Variants in FNBP4 observed in about 807,000 individuals in gnomAD.
FNBP4 encodes formin-binding protein 4.
FNBP4 carries 34 observed loss-of-function variants against 119.3 expected under a neutral mutation model. The ratio of observed to expected loss-of-function variants is 0.28; its 90% CI spans 0.22 to 0.38. The LOEUF is 0.38. Among genes scored for constraint, FNBP4 ranks in the 10% least tolerant of loss-of-function variants. FNBP4 has a pLI of 1.00. For synonymous variants in FNBP4, 462 were observed against 430.6 expected (o/e 1.07, Z -0.90); for missense variants, 1,112 against 1,228.9 (o/e 0.90, Z 1.42).
intron 12 of FNBP4, chr11:47,726,639 G>T (rs1438732304): frequency 6.6e-6 from 1 of 151,950 alleles, no homozygotes; most frequent in African/African-American, 2.4e-5. Flanking sequence ...CTGGCTAAAT[G>T]ACCTCAAATG....
chr11:47,752,656 A>G (rs1457232277), intron 4 of FNBP4: 2 of 312,964 alleles, frequency 6.4e-6, no homozygotes, highest in East Asian at 1.2e-4. Context: ...CTAAAATACA[A>G]AAGAGAAATT....
At chr11:47,729,579 GGCTTACT>G in intron 12 of FNBP4, 1 of 950,060 alleles carries the variant, frequency 1.1e-6, no homozygotes, top group Non-Finnish European at 1.3e-6. Flanking sequence ...GTACAATTAT[GGCTTACT>G]GCAGCCTCAA....
chr11:47,758,736 G>A (rs2097625784), intron 2 of FNBP4, among the ~76,000 whole-genome samples: 1 of 151,524 alleles, frequency 6.6e-6, no homozygotes, highest in Admixed American at 6.6e-5. Context: ...GTGCGCGCCT[G>A]TAATCCCAGC....
intron 2 of FNBP4, among the ~76,000 whole-genome samples, chr11:47,757,742 C>A (rs548673820): frequency 6.6e-6 from 1 of 152,286 alleles, no homozygotes; most frequent in African/African-American, 2.4e-5. Context: ...GATCTGCCCA[C>A]CTCGGCCTCC....
rs1315187162 is a variant in FNBP4 at position 47,751,166 on chromosome 11, C to T, written c.762G>A (p.Gln254=). 20 of 1,613,982 alleles carry T rather than the reference C, an allele frequency of 1.2e-5. No individual in the cohort carries two copies. Among genetic ancestry groups the T allele is most frequent in the Non-Finnish European group, 1.7e-5 (20 of 1,180,046 alleles). ...ELPQYLATQV[Q]GLQHYQPSSV... ...ACCTGGGCTGGTAATGCTGTAATCCCTGTACCTGTGTGGCAAGATATTGGG... is the reference window on the plus strand; with the variant it reads ...ACCTGGGCTGGTAATGCTGTAATCCTTGTACCTGTGTGGCAAGATATTGGG... Residue 254 remains glutamine, a synonymous_variant, in exon 5 of 17, where the codon CAG becomes CAA. Transcript: ENST00000263773.
At position 47,731,459 on chromosome 11, in the gene FNBP4, A is replaced by G. The variant is rs955907833; in HGVS notation, c.1923T>C (p.Asn641=). ...TCTGTTTGGCAAGAGTCTCATCTCT[A>G]TTTTCTTGTGCTTGGCTTTCTTCTT... ...EEEEESQAQE[N]RDETLAKQTL... The change falls in exon 12 of 17, where the codon AAT becomes AAC. Residue 641 remains asparagine, a synonymous_variant. Coordinates refer to ENST00000263773, the MANE Select transcript of FNBP4 (RefSeq NM_015308.5). The G allele has an allele frequency of 6.2e-7, 1 of 1,613,742 alleles. No individual in the cohort carries two copies.
In FNBP4 at chr11:47,752,989, A is replaced by T. The variant is rs779171726; in HGVS notation, c.564T>A (p.Ser188=). 1 of 1,614,134 alleles carries T rather than the reference A, an allele frequency of 6.2e-7. No individual in the cohort carries two copies. The highest frequency in any genetic ancestry group is 1.1e-5 in the South Asian group (1 of 91,076). ...PKEAATSTLS[S]STSNGTDSTQ... ...TGGAGTCTGTTCCATTTGAAGTAGA[A>T]GAAGAAAGGGTAGATGTTGCTGCTT... Residue 188 remains serine, a synonymous_variant, in exon 4 of 17, where the codon TCT becomes TCA. Coordinates refer to ENST00000263773, the MANE Select transcript of FNBP4 (RefSeq NM_015308.5).
At chr11:47,740,471 T>C (rs1304709900) in intron 8 of FNBP4, among the ~76,000 whole-genome samples, 1 of 151,520 alleles carries the variant, frequency 6.6e-6, no homozygotes. Flanking sequence ...ATGTTAATAT[T>C]GAGTCTTCCC....
In FNBP4 at chr11:47,743,915, T is replaced by A. The variant is rs199904410; in HGVS notation, c.1456+38A>T. ...GACAAGAGTTTCCTTCCCCTCTATA[T>A]CTTTCAACTCTGAAGTTTAATGTGA... On this transcript the variant is annotated intron_variant, in intron 8 of 16. Coordinates refer to ENST00000263773, the MANE Select transcript of FNBP4 (RefSeq NM_015308.5). 45 of 1,569,396 alleles carry A rather than the reference T, an allele frequency of 2.9e-5. No individual in the cohort carries two copies. The African/African-American group carries it at 5.8e-4, about 20-fold the overall frequency.
chr11:47,744,428 C>T (rs1039221516), intron 7 of FNBP4, among the ~76,000 whole-genome samples: 50 of 151,906 alleles, frequency 3.3e-4, no homozygotes, highest in African/African-American at 1.2e-3. Flanking sequence ...CACATGTCAT[C>T]ATACTTTTTT....
intron 2 of FNBP4, among the ~76,000 whole-genome samples, chr11:47,762,226 G>C (rs1365900740): frequency 6.6e-6 from 1 of 151,740 alleles, no homozygotes; most frequent in Non-Finnish European, 1.5e-5. Flanking sequence ...CCGCCTCCCG[G>C]GTTCAAGCGA....
At chr11:47,719,156 G>T (rs1475934165) in intron 16 of FNBP4, among the ~76,000 whole-genome samples, 1 of 150,976 alleles carries the variant, frequency 6.6e-6, no homozygotes, top group Non-Finnish European at 1.5e-5. Flanking sequence ...CCAAAGTGCT[G>T]GGATTACAGG....
chr11:47,748,627 G>A (rs958696786), intron 6 of FNBP4, among the ~76,000 whole-genome samples: 87 of 151,696 alleles, frequency 5.7e-4, no homozygotes, highest in African/African-American at 1.8e-3. Flanking sequence ...TTCCTGCCCT[G>A]ATTAAATTAT....
At chr11:47,744,532 G>A (rs1300519729) in intron 7 of FNBP4, among the ~76,000 whole-genome samples, 1 of 152,016 alleles carries the variant, frequency 6.6e-6, no homozygotes, top group African/African-American at 2.4e-5. Flanking sequence ...AAAGTCCTGG[G>A]ATTACAGGCA....
intron 2 of FNBP4, among the ~76,000 whole-genome samples, chr11:47,755,048 T>A (rs543863450): frequency 6.6e-6 from 1 of 150,416 alleles, no homozygotes; most frequent in South Asian, 2.1e-4. Flanking sequence ...GCAGGAGAAG[T>A]GCTTGAACCT....
intron 8 of FNBP4, among the ~76,000 whole-genome samples, chr11:47,739,186 C>T (rs1166710510): frequency 1.3e-5 from 2 of 152,022 alleles, no homozygotes; most frequent in Admixed American, 6.6e-5. Flanking sequence ...CATGCCTCAG[C>T]CTCCCAGAAT....
At chr11:47,718,303 T>A (rs370116420) in intron 16 of FNBP4, among the ~76,000 whole-genome samples, 1 of 152,046 alleles carries the variant, frequency 6.6e-6, no homozygotes, top group East Asian at 1.9e-4. Context: ...AACCTCTGCC[T>A]CCTAGGTCCA....
chr11:47,721,656 TATA>T (rs1309100167), intron 15 of FNBP4, among the ~76,000 whole-genome samples: 6 of 152,046 alleles, frequency 3.9e-5, no homozygotes, highest in Admixed American at 2.0e-4. Context: ...GGTATAATGA[TATA>T]ATATTTTTTC....
chr11:47,727,516 G>A (rs754819684), intron 12 of FNBP4, among the ~76,000 whole-genome samples: 3 of 152,182 alleles, frequency 2.0e-5, no homozygotes, highest in African/African-American at 7.2e-5. Context: ...CTCCCAAAGT[G>A]CTGGGATTAC....
Sources: allele counts gnomAD v4.1 joint callset (sites outside exome capture counted in the v4.1 genomes callset), GRCh38; gene constraint gnomAD v4.1.1; transcripts MANE v1.5; gene names NCBI Gene and HGNC (gene_info 2026-07-23, HGNC 2026-07-21).